MYCBPAP: variants seen among roughly 807,000 people sequenced by gnomAD.
MYCBPAP encodes the protein MYCBP-associated protein.
MYCBPAP carries 60 observed loss-of-function variants against 106.1 expected under a neutral mutation model. The observed-to-expected ratio is 0.57, with a 90% CI of 0.46 to 0.70. The LOEUF (loss-of-function observed/expected upper bound fraction) is 0.70. Among genes scored for constraint, MYCBPAP ranks in the 30% least tolerant of loss-of-function variants. MYCBPAP has a pLI of 0.00. For missense variants in MYCBPAP, 1,064 were observed against 1,169.3 expected, an observed-to-expected ratio of 0.91 and a Z score of 1.31; for synonymous variants, 407 against 440.6, an observed-to-expected ratio of 0.92 and a Z score of 0.95.
chr17:50,525,229 C>A (rs1296832115), intron 13 of MYCBPAP: 1 of 565,260 alleles, frequency 1.8e-6, no homozygotes, highest in African/African-American at 1.9e-5. Context: ...GGAAATTGTA[C>A]ACTCCTTATG....
rs754067841 is a variant in MYCBPAP at position 50,508,497 on chromosome 17, C to G, written c.-178C>G. 6 of 1,506,710 alleles carry G rather than the reference C, an allele frequency of 4.0e-6. No individual in the cohort carries two copies. The African/African-American group carries it at 4.3e-5, about 11-fold the overall frequency. 93.3% of individuals were successfully genotyped at this position (1,506,710 alleles called of 1,614,324 possible). A position where few individuals can be genotyped will look rare whatever the true frequency, so the allele number is the denominator to read the frequency against. ...GCCGGCGGCGGGCGCGTGCGCGGCC[C>G]GATGAAGAAGGAGGTTTCCAAGCCG... On this transcript the variant is annotated 5_prime_UTR_variant, in exon 1 of 19. Coordinates refer to ENST00000323776, the MANE Select transcript of MYCBPAP (RefSeq NM_032133.6).
At chr17:50,517,525 A>C in intron 3 of MYCBPAP, 70 bp from the exon 4 acceptor site, 1 of 1,613,682 alleles carries the variant, frequency 6.2e-7, no homozygotes, top group Non-Finnish European at 8.5e-7. Context: ...CCCAGTCTCC[A>C]TCAGAAAGTT....
intron 18 of MYCBPAP, chr17:50,530,346 T>G (rs1431940695): frequency 3.7e-6 from 1 of 273,280 alleles, no homozygotes; most frequent in African/African-American, 2.3e-5. Flanking sequence ...ATTCAAAAAA[T>G]TAGCCAGGCA....
chr17:50,524,826 A>G (rs2143976642), intron 12 of MYCBPAP, 51 bp from the exon 13 acceptor site: 1 of 1,593,708 alleles, frequency 6.3e-7, no homozygotes, highest in East Asian at 2.2e-5. Flanking sequence ...TGAAGGATGC[A>G]TTGGTTTTGA....
chr17:50,519,142 G>GA, intron 6 of MYCBPAP, 53 bp downstream of exon 6: 1 of 1,288,378 alleles, frequency 7.8e-7, no homozygotes, highest in Non-Finnish European at 1.1e-6. Context: ...TGGAGGAGGG[G>GA]GCGGGGGCAG....
intron 1 of MYCBPAP, among the ~76,000 whole-genome samples, chr17:50,515,498 AC>A (rs1284391713): frequency 6.6e-6 from 1 of 152,200 alleles, no homozygotes; most frequent in Non-Finnish European, 1.5e-5. Context: ...CTGTGCCTTC[AC>A]CCAGAAGCAT....
chr17:50,528,878 G>C (rs1315489586), intron 17 of MYCBPAP, 38 bp downstream of exon 17: 27 of 1,608,172 alleles, frequency 1.7e-5, no homozygotes, highest in Non-Finnish European at 2.2e-5. Flanking sequence ...TGGGGCTGGG[G>C]AGGGGATTGG....
rs1351633239 is a variant in MYCBPAP at position 50,526,134 on chromosome 17, G to T, written c.2036G>T (p.Ser679Ile). Residue 679 changes from serine (S) to isoleucine (I), a missense_variant, in exon 14 of 19, where the codon AGT (serine) becomes ATT (isoleucine). Coordinates refer to ENST00000323776, the MANE Select transcript of MYCBPAP (RefSeq NM_032133.6). ...GSQKARVGTKSPQRKSIMEEI... is the reference protein window; with the variant it reads ...GSQKARVGTKIPQRKSIMEEI... ...CAGAAGGCCAGAGTGGGGACCAAGAGTCCTCAGCGGAAGAGCATCATGGAG... is the reference window on the plus strand; with the variant it reads ...CAGAAGGCCAGAGTGGGGACCAAGATTCCTCAGCGGAAGAGCATCATGGAG... 3 of 1,613,760 alleles carry T rather than the reference G, an allele frequency of 1.9e-6. No homozygotes were observed. Among genetic ancestry groups the T allele is most frequent in the Non-Finnish European group, 2.5e-6 (3 of 1,179,958 alleles).
In MYCBPAP at chr17:50,508,453, G is replaced by A; in HGVS notation, c.-222G>A. 1 of 1,260,776 alleles carries A rather than the reference G, an allele frequency of 7.9e-7. No homozygotes were observed. The highest frequency in any genetic ancestry group is 1.1e-6 in the Non-Finnish European group (1 of 918,874). 78.1% of individuals were successfully genotyped at this position (1,260,776 alleles called of 1,614,324 possible). On this transcript the variant is annotated 5_prime_UTR_variant, in exon 1 of 19. Transcript: ENST00000323776. ...GCCGGGCCCGCAGGGCTTTCTAGGGGTCCGTCGCTCTTGAAGCCGCCGGCG... is the reference window on the plus strand; with the variant it reads ...GCCGGGCCCGCAGGGCTTTCTAGGGATCCGTCGCTCTTGAAGCCGCCGGCG...
chr17:50,518,316 C>G (rs2034127682), intron 4 of MYCBPAP, among the ~76,000 whole-genome samples: 1 of 152,236 alleles, frequency 6.6e-6, no homozygotes, highest in Middle Eastern at 3.2e-3. Context: ...TGACCCCAAT[C>G]TTGAAACAGA....
intron 5 of MYCBPAP, 54 bp from the exon 6 acceptor site, chr17:50,518,920 G>T (rs2034152694): frequency 6.5e-7 from 1 of 1,544,186 alleles, no homozygotes; most frequent in African/African-American, 1.4e-5. Flanking sequence ...GACTGCCAAG[G>T]CCCCTGTTTG....
At chr17:50,514,905 T>G (rs2033987687) in intron 1 of MYCBPAP, 1 of 454,030 alleles carries the variant, frequency 2.2e-6, no homozygotes, top group Admixed American at 2.4e-5. Flanking sequence ...CCTCCCAAGA[T>G]CTTGCAACTC....
chr17:50,516,759 G>T, intron 2 of MYCBPAP, 62 bp downstream of exon 2: 2 of 1,597,542 alleles, frequency 1.3e-6, no homozygotes, highest in Non-Finnish European at 1.7e-6. Context: ...AGCCTGAGTG[G>T]TCTAGAACAC....
At chr17:50,514,272 A>T (rs2033963081) in intron 1 of MYCBPAP, among the ~76,000 whole-genome samples, 1 of 152,176 alleles carries the variant, frequency 6.6e-6, no homozygotes, top group South Asian at 2.1e-4. Flanking sequence ...TTCCTAAAAA[A>T]AGTTGGATTT....
chr17:50,518,727 G>T lies in MYCBPAP; in HGVS notation c.652+3G>T. On this transcript the variant is annotated splice_donor_region_variant and intron_variant, in intron 5 of 18. Coordinates refer to ENST00000323776, the MANE Select transcript of MYCBPAP (RefSeq NM_032133.6). ...GAAGCAGCAGGAAGCCCTCAGCGGT[G>T]AGCAGAGCAGACAGGGCTCCCGCCC... 1 of 1,571,728 alleles carries T rather than the reference G, an allele frequency of 6.4e-7. No homozygotes were observed. Among genetic ancestry groups the T allele is most frequent in the Middle Eastern group, 1.9e-4 (1 of 5,396 alleles).
chr17:50,521,175 C>T lies in MYCBPAP; in HGVS notation c.982C>T (p.Arg328Ter), dbSNP rs142657039. 8.1e-5 allele frequency: 131 copies of T among 1,613,634 alleles called. No homozygotes were observed. The highest frequency in any genetic ancestry group is 1.1e-4 in the Non-Finnish European group (126 of 1,179,940). ...GGATCGGAGTCTGTTTCTGATCTAC[C>T]GACGCAAGGAGCTGCAGAGAATCAT... Reference protein sequence around the residue: ...TWDRSLFLIYRRKELQRIMEE... With the variant: ...TWDRSLFLIY The change falls in exon 8 of 19, where the codon CGA becomes TGA. Residue 328 changes from arginine (R) to a stop codon, truncating the protein, a stop_gained. Coordinates refer to ENST00000323776, the MANE Select transcript of MYCBPAP (RefSeq NM_032133.6). LOFTEE classifies it high-confidence loss of function.
Position 50,528,378 on chromosome 17 carries a change from T to C in MYCBPAP, c.2407+108T>C, listed in dbSNP as rs866865035. Reference sequence around the variant, plus strand: ...CATACTCCTTTGGTGGAAGCTCTGCTAGGTTGAGCCCATGGAGTAGGCCCC... The same window carrying C: ...CATACTCCTTTGGTGGAAGCTCTGCCAGGTTGAGCCCATGGAGTAGGCCCC... On this transcript the variant is annotated intron_variant, in intron 16 of 18. Coordinates refer to ENST00000323776, the MANE Select transcript of MYCBPAP (RefSeq NM_032133.6). 51 of 1,024,680 alleles carry C rather than the reference T, an allele frequency of 5.0e-5. No individual in the cohort carries two copies. The African/African-American group carries it at 6.8e-4, about 14-fold the overall frequency. The allele number at this position is 1,024,680 out of a possible 1,614,324, so 63.5% of individuals were successfully genotyped here. A position where few individuals can be genotyped will look rare whatever the true frequency, so the allele number is the denominator to read the frequency against.
chr17:50,517,633 C>T lies in MYCBPAP; in HGVS notation c.403C>T (p.Pro135Ser). The T allele has an allele frequency of 6.2e-7, 1 of 1,614,190 alleles. No individual in the cohort carries two copies. Among genetic ancestry groups the T allele is most frequent in the South Asian group, 1.1e-5 (1 of 91,080 alleles). ...CTTCGATGGCAGTGACCAGATCCTG[C>T]CCCACCACATCTTGGGGAGTCTCCA... ...DSFDGSDQIL[P>S]HHILGSLQDF... Residue 135 changes from proline (P) to serine (S), a missense_variant, in exon 4 of 19, where the codon CCC becomes TCC. Physicochemically the swap from Pro to Ser is moderately conservative, Grantham distance 74. Coordinates refer to ENST00000323776, the MANE Select transcript of MYCBPAP (RefSeq NM_032133.6).
rs1555618059 is a variant in MYCBPAP, at chr17:50,510,499, G to GTATGTGTGTATATA, written c.76+1752_76+1753insGTGTGTATATATAT. The GTATGTGTGTATATA allele has an allele frequency of 6.8e-4, 52 of 76,424 alleles. 2 individuals are homozygous for GTATGTGTGTATATA. Among genetic ancestry groups the GTATGTGTGTATATA allele is most frequent in the African/African-American group, 2.3e-3 (50 of 21,844 alleles). The allele number at this position is 76,424 out of a possible 1,614,324, so 4.7% of individuals were successfully genotyped here. A position where few individuals can be genotyped will look rare whatever the true frequency, so the allele number is the denominator to read the frequency against. ...TGTGTGTGTGTGTGTGTGTGTGTGT[G>GTATGTGTGTATATA]TATATATATATATATATATATATAT... is the stretch of plus-strand genomic sequence containing the variant. On this transcript the variant is annotated intron_variant, in intron 1 of 18. Transcript: ENST00000323776.
Sources: allele counts gnomAD v4.1 joint callset (sites outside exome capture counted in the v4.1 genomes callset), GRCh38; gene constraint gnomAD v4.1.1; transcripts MANE v1.5; gene names NCBI Gene and HGNC (gene_info 2026-07-23, HGNC 2026-07-21).